The following GTPBP3 variants were observed in gnomAD, a reference collection of about 807,000 sequenced individuals.
GTPBP3 encodes the protein GTP binding protein 3, mitochondrial, also known as 5-taurinomethyluridine-[tRNA] synthase subunit GTPB3, mitochondrial.
In GTPBP3, 35 loss-of-function variants were observed where a neutral mutation model predicts 42.0. That is an observed-to-expected ratio of 0.83 (90% confidence interval 0.64 to 1.10). The LOEUF is 1.10. Among genes scored for constraint, GTPBP3 ranks in the 50% least tolerant of loss-of-function variants. The pLI is 0.00. For missense variants in GTPBP3, 691 were observed against 685.2 expected (o/e 1.01, Z -0.09); for synonymous variants, 332 against 314.9 (o/e 1.05, Z -0.58).
rs781243432 is a variant in GTPBP3, at chr19:17,338,636, G to T, written c.486G>T (p.Ala162=). ...KLNLTEVEGL[A]DLIHAETEAQ... is the part of the protein sequence containing the mutation. ...ACCTGACCGAAGTGGAGGGGCTGGC[G>T]GACCTTATCCACGCGGAAACAGAGG... Residue 162 remains alanine, a synonymous_variant, in exon 4 of 9, where the codon GCG becomes GCT. Coordinates refer to ENST00000324894, the MANE Select transcript of GTPBP3 (RefSeq NM_032620.4). 1.2e-6 allele frequency: 2 copies of T among 1,613,990 alleles called. No individual in the cohort carries two copies. Among genetic ancestry groups the T allele is most frequent in the South Asian group, 2.2e-5 (2 of 91,078 alleles).
upstream of GTPBP3, among the ~76,000 whole-genome samples, chr19:17,336,346 A>G (rs2074368173): frequency 6.6e-6 from 1 of 150,534 alleles, no homozygotes; most frequent in Non-Finnish European, 1.5e-5. Context: ...AAAAAGAAAC[A>G]CCGAAAAGTT....
At chr19:17,336,122 G>A (rs546067015), upstream of GTPBP3, among the ~76,000 whole-genome samples, 1 of 151,246 alleles carries the variant, frequency 6.6e-6, no homozygotes, top group Non-Finnish European at 1.5e-5. Flanking sequence ...TGTAGTCCCA[G>A]CTACTTGGGA....
In GTPBP3 at chr19:17,341,139, T is replaced by C; in HGVS notation, c.1070T>C (p.Val357Ala). The change falls in exon 8 of 9, where the codon GTG (valine) becomes GCG (alanine). Residue 357 changes from valine (V) to alanine (A), a missense_variant. Coordinates refer to ENST00000324894, the MANE Select transcript of GTPBP3 (RefSeq NM_032620.4). ...TTCCTGGCCACCGTCGTAGCCTCTGTGGGAGCCCAGAGCCCCAGTGACAGC... is the reference window on the plus strand; with the variant it reads ...TTCCTGGCCACCGTCGTAGCCTCTGCGGGAGCCCAGAGCCCCAGTGACAGC... Reference protein sequence around the residue: ...CNFLATVVASVGAQSPSDSSQ... With the variant: ...CNFLATVVASAGAQSPSDSSQ... 6.2e-7 allele frequency: 1 copy of C among 1,613,704 alleles called. No homozygotes were observed. The highest frequency in any genetic ancestry group is 8.5e-7 in the Non-Finnish European group (1 of 1,180,010).
chr19:17,336,295 C>CA (rs1187197435), upstream of GTPBP3, among the ~76,000 whole-genome samples: 29 of 141,998 alleles, frequency 2.0e-4, no homozygotes, highest in African/African-American at 5.0e-4. Context: ...CCGTCTCCAC[C>CA]AAAAAAACGA....
At chr19:17,339,339 T>G in intron 6 of GTPBP3, 73 bp downstream of exon 6, 1 of 1,579,958 alleles carries the variant, frequency 6.3e-7, no homozygotes, top group Admixed American at 1.7e-5. Flanking sequence ...TTGAGTTAGT[T>G]GTTCAGGTCT....
chr19:17,340,799 G>C (rs1302396743), intron 7 of GTPBP3: 10 of 202,860 alleles, frequency 4.9e-5, no homozygotes, highest in Admixed American at 2.2e-4. Flanking sequence ...CTCCCGCACC[G>C]TGACCGCTCC....
At chr19:17,335,241 G>A (rs2074356889), upstream of GTPBP3, 14 of 1,424,024 alleles carry the variant, frequency 9.8e-6, no homozygotes, top group Admixed American at 1.0e-4. Flanking sequence ...CCCTGCTTAG[G>A]AACTTTGCAC....
At position 17,339,611 on chromosome 19, in the gene GTPBP3, G is replaced by A; in HGVS notation, c.974+12G>A. ...CGCGCCCGGGAGAGGTGGGCGGACA[G>A]GGTGGTGATGGGAGGGGAACGCGGG... is the stretch of plus-strand genomic sequence containing the variant. On this transcript the variant is annotated intron_variant, in intron 7 of 8. Coordinates refer to ENST00000324894, the MANE Select transcript of GTPBP3 (RefSeq NM_032620.4). 6.3e-7 allele frequency: 1 copy of A among 1,589,822 alleles called. No homozygotes were observed. Among genetic ancestry groups the A allele is most frequent in the Non-Finnish European group, 8.5e-7 (1 of 1,172,512 alleles).
rs2074392136 is a variant in GTPBP3, at chr19:17,338,562, G to A, written c.412G>A (p.Ala138Thr). ...AGGCAGCGTGCCAGGGCTTCGACCG[G>A]CGGAGGCAGGCGAGTTCACCAGACG... is the stretch of plus-strand genomic sequence containing the variant. ...ALGSVPGLRP[A>T]EAGEFTRRAF... is the part of the protein sequence containing the mutation. Residue 138 changes from alanine (A) to threonine (T), a missense_variant, in exon 4 of 9, where the codon GCG (alanine) becomes ACG (threonine). Coordinates refer to ENST00000324894, the MANE Select transcript of GTPBP3 (RefSeq NM_032620.4). 21 of 1,613,800 alleles carry A rather than the reference G, an allele frequency of 1.3e-5. No homozygotes were observed. Among genetic ancestry groups the A allele is most frequent in the Non-Finnish European group, 1.8e-5 (21 of 1,179,874 alleles).
At chr19:17,337,699 G>T (rs2074379955) in intron 1 of GTPBP3, 35 bp downstream of exon 1, 3 of 1,378,520 alleles carry the variant, frequency 2.2e-6, no homozygotes, top group Non-Finnish European at 1.9e-6. Context: ...GACAGCTTGG[G>T]GTGCTGCTTG....
upstream of GTPBP3, among the ~76,000 whole-genome samples, chr19:17,335,547 C>G (rs191818199): frequency 6.6e-6 from 1 of 152,108 alleles, no homozygotes; most frequent in Non-Finnish European, 1.5e-5. Flanking sequence ...GGCGACAGAA[C>G]GAGACCCTGT....
In GTPBP3 at chr19:17,338,618, C is replaced by A. The variant is rs372721127; in HGVS notation, c.468C>A (p.Thr156=). 2 of 1,613,932 alleles carry A rather than the reference C, an allele frequency of 1.2e-6. No individual in the cohort carries two copies. The highest frequency in any genetic ancestry group is 1.7e-6 in the Non-Finnish European group (2 of 1,179,966). The change falls in exon 4 of 9, where the codon ACC becomes ACA. Residue 156 remains threonine (T), a synonymous_variant. Transcript: ENST00000324894. ...TCGCCAATGGGAAGCTGAACCTGAC[C>A]GAAGTGGAGGGGCTGGCGGACCTTA... ...RAFANGKLNL[T]EVEGLADLIH... is the part of the protein sequence containing the mutation.
In GTPBP3 at chr19:17,341,400, C is replaced by T. The variant is rs1286443113; in HGVS notation, c.1253+78C>T. 1.9e-6 allele frequency: 3 copies of T among 1,557,814 alleles called. No individual in the cohort carries two copies. In the African/African-American group the frequency reaches 4.1e-5, roughly 21 times the overall value. ...CCCTCAACTTCAATTTCTGAACCTA[C>T]AAAATGGGTACAACCATTTCCCCTT... is the stretch of plus-strand genomic sequence containing the variant. On this transcript the variant is annotated intron_variant, in intron 8 of 8. Transcript: ENST00000324894.
upstream of GTPBP3, among the ~76,000 whole-genome samples, chr19:17,335,803 G>T (rs1029226237): frequency 1.3e-5 from 1 of 79,320 alleles, no homozygotes; most frequent in Non-Finnish European, 2.5e-5. Context: ...CACAGTAGGC[G>T]CTTGCTGTAC....
Position 17,339,428 on chromosome 19 carries a change from C to G in GTPBP3, c.809-6C>G, listed in dbSNP as rs750622256. ...ACCCTCTCCTCTTCTTCTGACCCTC[C>G]CCCAGGTCGGAAGCCTGTGTCCATC... is the stretch of plus-strand genomic sequence containing the variant. On this transcript the variant is annotated splice_polypyrimidine_tract_variant and splice_region_variant and intron_variant, in intron 6 of 8. Transcript: ENST00000324894. 1.5e-5 allele frequency: 25 copies of G among 1,613,124 alleles called. No homozygotes were observed. The South Asian group carries it at 2.5e-4, about 16-fold the overall frequency.
chr19:17,339,487 C>T lies in GTPBP3; in HGVS notation c.862C>T (p.Leu288=), dbSNP rs766764436. Residue 288 remains leucine, a synonymous_variant, in exon 7 of 9, where the codon CTG becomes TTG. Transcript: ENST00000324894. The stretch of plus-strand genomic sequence containing the variant: ...GGAGCCAGGGACCACCCGTGACGTG[C>T]TGGAGACCCCAGTCGACCTGGCCGG... ...SPEPGTTRDV[L]ETPVDLAGFP... is the part of the protein sequence containing the mutation. The T allele has an allele frequency of 1.9e-6, 3 of 1,613,874 alleles. No individual in the cohort carries two copies. The highest frequency in any genetic ancestry group is 4.5e-5 in the East Asian group (2 of 44,892).
intron 8 of GTPBP3, 29 bp downstream of exon 8, chr19:17,341,351 C>T: frequency 6.4e-7 from 1 of 1,569,216 alleles, no homozygotes; most frequent in Non-Finnish European, 8.6e-7. Context: ...CCAGCCTCCC[C>T]TGACCCACAG....
rs2074379726 is a variant in GTPBP3 at position 17,337,665 on chromosome 19, G to A, written c.53+1G>A. 3.0e-6 allele frequency: 4 copies of A among 1,334,802 alleles called. No homozygotes were observed. The highest frequency in any genetic ancestry group is 1.5e-5 in the African/African-American group (1 of 64,944). 82.7% of individuals were successfully genotyped at this position (1,334,802 alleles called of 1,614,324 possible). On this transcript the variant is annotated splice_donor_variant, in intron 1 of 8. Transcript: ENST00000324894. LOFTEE classifies it high-confidence loss of function. Reference sequence around the variant, plus strand: ...CCCAAGCGGCACGTGGGCCTCGCAGGTGGGGCTACAGGGGAAGGGGTGCGA... The same window carrying A: ...CCCAAGCGGCACGTGGGCCTCGCAGATGGGGCTACAGGGGAAGGGGTGCGA...
At chr19:17,336,717 T>A (rs1202088098), upstream of GTPBP3, 1 of 152,124 alleles carries the variant, frequency 6.6e-6, no homozygotes, top group Non-Finnish European at 1.5e-5. Flanking sequence ...AGCGCTTTAT[T>A]CCGAGTTTCA....
Sources: gnomAD v4.1 joint callset for allele counts (sites outside exome capture counted in the v4.1 genomes callset) on GRCh38, gnomAD v4.1.1 for gene constraint, MANE v1.5 for transcripts, NCBI Gene and HGNC (gene_info 2026-07-23, HGNC 2026-07-21) for gene names.